Variants in B3GALT1 observed in about 807,000 individuals in gnomAD.
The protein encoded by B3GALT1 is beta-1,3-galactosyltransferase 1.
Under a neutral mutation model 23.2 loss-of-function variants are expected in B3GALT1, and 10 were observed. That is an observed-to-expected ratio of 0.43 (90% CI 0.27 to 0.73). The LOEUF (loss-of-function observed/expected upper bound fraction) is 0.73. B3GALT1 is among the 30% of genes least tolerant of loss of function. The pLI is 0.21. For missense variants in B3GALT1, 299 were observed against 405.4 expected (o/e 0.74, Z 2.25); for synonymous variants, 156 against 141.5 (o/e 1.10, Z -0.73).
chr2:167,572,351 C>T (rs1276928502), intron 2 of B3GALT1, among the ~76,000 whole-genome samples: 1 of 151,758 alleles, frequency 6.6e-6, no homozygotes, highest in African/African-American at 2.4e-5. Context: ...TTATAGGCTA[C>T]AAACCTCCAC....
intron 2 of B3GALT1, among the ~76,000 whole-genome samples, chr2:167,499,253 A>G (rs1699816956): frequency 6.6e-6 from 1 of 152,184 alleles, no homozygotes; most frequent in Non-Finnish European, 1.5e-5. Context: ...TTACATCATT[A>G]TGTTTTAAAT....
intron 2 of B3GALT1, among the ~76,000 whole-genome samples, chr2:167,499,591 A>G (rs941483613): frequency 6.6e-6 from 1 of 152,192 alleles, no homozygotes; most frequent in Non-Finnish European, 1.5e-5. Flanking sequence ...AGCCTTTTAC[A>G]AACTTTTTAT....
At chr2:167,592,066 A>G (rs895403154) in intron 2 of B3GALT1, among the ~76,000 whole-genome samples, 17 of 152,194 alleles carry the variant, frequency 1.1e-4, no homozygotes, top group Admixed American at 5.2e-4. Context: ...GGCCTGAGCT[A>G]GAAATGTTAC....
chr2:167,562,843 T>C (rs1574139214), intron 2 of B3GALT1, among the ~76,000 whole-genome samples: 1 of 151,912 alleles, frequency 6.6e-6, no homozygotes, highest in African/African-American at 2.4e-5. Flanking sequence ...TAGGGAGTGG[T>C]GATGACTCTT....
At chr2:167,722,275 T>G (rs1421648062) in intron 3 of B3GALT1, among the ~76,000 whole-genome samples, 1 of 152,244 alleles carries the variant, frequency 6.6e-6, no homozygotes, top group East Asian at 1.9e-4. Flanking sequence ...TGAATCTATG[T>G]AATACTTTAC....
chr2:167,825,541 A>C (rs1354929014), intron 4 of B3GALT1, among the ~76,000 whole-genome samples: 1 of 150,798 alleles, frequency 6.6e-6, no homozygotes, highest in Non-Finnish European at 1.5e-5. Flanking sequence ...CCAATAGAAG[A>C]CAATTCTCTT....
chr2:167,740,704 A>G (rs966770333), intron 3 of B3GALT1, among the ~76,000 whole-genome samples: 6 of 152,238 alleles, frequency 3.9e-5, no homozygotes, highest in African/African-American at 7.2e-5. Context: ...TCTGAAAAGT[A>G]AAATATTACT....
At chr2:167,376,868 C>A (rs887073588) in intron 1 of B3GALT1, among the ~76,000 whole-genome samples, 6 of 151,960 alleles carry the variant, frequency 3.9e-5, no homozygotes, top group Non-Finnish European at 7.4e-5. Context: ...TTAGTTATTT[C>A]TTTTCTTCTG....
chr2:167,440,559 G>A (rs965290991), intron 1 of B3GALT1, among the ~76,000 whole-genome samples: 4 of 151,898 alleles, frequency 2.6e-5, no homozygotes, highest in African/African-American at 9.7e-5. Flanking sequence ...TCTGATGCAA[G>A]TATGATTCAG....
At chr2:167,726,613 A>G (rs752294765) in intron 3 of B3GALT1, among the ~76,000 whole-genome samples, 2 of 152,252 alleles carry the variant, frequency 1.3e-5, no homozygotes, top group Non-Finnish European at 2.9e-5. Context: ...TATTTTATAT[A>G]CTTTGTCTAG....
chr2:167,302,812 C>T (rs1437273249), intron 1 of B3GALT1, among the ~76,000 whole-genome samples: 1 of 152,024 alleles, frequency 6.6e-6, no homozygotes, highest in East Asian at 1.9e-4. Flanking sequence ...TATAATAAAG[C>T]TAAAAATCAT....
chr2:167,423,779 A>G (rs1698584157), intron 1 of B3GALT1, among the ~76,000 whole-genome samples: 1 of 152,140 alleles, frequency 6.6e-6, no homozygotes. Context: ...TTCTGTTTCC[A>G]CATTTTCATA....
chr2:167,662,717 A>G (rs1255148304), intron 3 of B3GALT1, among the ~76,000 whole-genome samples: 2 of 151,506 alleles, frequency 1.3e-5, no homozygotes, highest in Non-Finnish European at 2.9e-5. Context: ...AGACCATACA[A>G]TGGTCTGTAG....
intron 4 of B3GALT1, among the ~76,000 whole-genome samples, chr2:167,826,677 G>C (rs1206174852): frequency 1.3e-5 from 2 of 152,164 alleles, no homozygotes; most frequent in African/African-American, 4.8e-5. Flanking sequence ...TCAGCCCACT[G>C]TATCCACAGG....
intron 2 of B3GALT1, among the ~76,000 whole-genome samples, chr2:167,608,262 T>C (rs1355552053): frequency 2.0e-5 from 3 of 151,952 alleles, no homozygotes; most frequent in Admixed American, 2.0e-4. Flanking sequence ...AGATAGAGAG[T>C]TGCTTAGTAA....
intron 3 of B3GALT1, among the ~76,000 whole-genome samples, chr2:167,654,526 G>A (rs907340060): frequency 6.6e-6 from 1 of 151,974 alleles, no homozygotes; most frequent in African/African-American, 2.4e-5. Context: ...TTGAGACAGG[G>A]CCTCACTGTG....
chr2:167,622,353 G>A (rs1438112558), intron 2 of B3GALT1, among the ~76,000 whole-genome samples: 2 of 152,162 alleles, frequency 1.3e-5, no homozygotes, highest in Admixed American at 1.3e-4. Context: ...CTGAATGTGG[G>A]GTTAAGTGAG....
intron 4 of B3GALT1, among the ~76,000 whole-genome samples, chr2:167,867,367 G>T (rs758102255): frequency 6.6e-6 from 1 of 152,118 alleles, no homozygotes; most frequent in Non-Finnish European, 1.5e-5. Flanking sequence ...GGGAGGACAG[G>T]ATACAGGAGC....
chr2:167,295,095 A>G (rs563597533), intron 1 of B3GALT1, among the ~76,000 whole-genome samples: 73 of 152,352 alleles, frequency 4.8e-4, no homozygotes, highest in African/African-American at 1.7e-3. Flanking sequence ...GCAGATGAAT[A>G]ACTTACGATA....
Sources: allele counts gnomAD v4.1 joint callset (sites outside exome capture counted in the v4.1 genomes callset), GRCh38; gene constraint gnomAD v4.1.1; transcripts MANE v1.5; gene names NCBI Gene and HGNC (gene_info 2026-07-23, HGNC 2026-07-21).